Variants in UNC5B observed in about 807,000 individuals in gnomAD.
The protein encoded by UNC5B is netrin receptor UNC5B.
Under a neutral mutation model 103.7 loss-of-function variants are expected in UNC5B, and 56 were observed. The ratio of observed to expected loss-of-function variants is 0.54; its 90% CI spans 0.44 to 0.67. The LOEUF is 0.67. Among genes scored for constraint, UNC5B ranks in the 30% least tolerant of loss-of-function variants. UNC5B has a pLI of 0.00. For synonymous variants in UNC5B, 577 were observed against 542.0 expected, an observed-to-expected ratio of 1.06 and a Z score of -0.90; for missense variants, 1,194 against 1,284.5, an observed-to-expected ratio of 0.93 and a Z score of 1.08.
At chr10:71,223,277 G>T (rs553789376) in intron 1 of UNC5B, among the ~76,000 whole-genome samples, 2 of 152,310 alleles carry the variant, frequency 1.3e-5, no homozygotes, top group African/African-American at 4.8e-5. Flanking sequence ...CTGTAGAATG[G>T]ATGAATGAGA....
At chr10:71,278,750 T>C (rs1051384608) in intron 1 of UNC5B, among the ~76,000 whole-genome samples, 5 of 152,242 alleles carry the variant, frequency 3.3e-5, no homozygotes, top group Non-Finnish European at 7.3e-5. Flanking sequence ...GTGGGGCCTC[T>C]AGCTGGAGGG....
intron 1 of UNC5B, among the ~76,000 whole-genome samples, chr10:71,251,811 G>T (rs1435382467): frequency 6.6e-6 from 1 of 152,114 alleles, no homozygotes; most frequent in African/African-American, 2.4e-5. Flanking sequence ...GAAGAATTGA[G>T]GATATTTATT....
chr10:71,296,160 C>T (rs1845406584), intron 14 of UNC5B, among the ~76,000 whole-genome samples, 200 bp downstream of exon 14: 1 of 152,198 alleles, frequency 6.6e-6, no homozygotes, highest in Non-Finnish European at 1.5e-5. Context: ...GGGCAATGGG[C>T]AGCCACATGC....
intron 2 of UNC5B, among the ~76,000 whole-genome samples, 164 bp from the exon 3 acceptor site, chr10:71,284,556 G>A (rs1481988628): frequency 6.6e-6 from 1 of 152,212 alleles, no homozygotes; most frequent in African/African-American, 2.4e-5. Context: ...CAGGTGAGTG[G>A]CCATGAAGCT....
At chr10:71,250,969 A>G (rs897095334) in intron 1 of UNC5B, among the ~76,000 whole-genome samples, 8 of 152,188 alleles carry the variant, frequency 5.3e-5, no homozygotes, top group Admixed American at 2.6e-4. Flanking sequence ...CTTGCTACCA[A>G]TCCTGAACAA....
chr10:71,275,933 G>A (rs1004065857), intron 1 of UNC5B, among the ~76,000 whole-genome samples: 8 of 152,108 alleles, frequency 5.3e-5, no homozygotes, highest in Admixed American at 2.6e-4. Flanking sequence ...TGGCACTTGA[G>A]TAACCCATGA....
At chr10:71,250,951 G>A (rs1044747839) in intron 1 of UNC5B, among the ~76,000 whole-genome samples, 11 of 152,144 alleles carry the variant, frequency 7.2e-5, no homozygotes, top group African/African-American at 2.7e-4. Context: ...ATGGCAAGTA[G>A]GTCTCCTCTT....
At chr10:71,223,255 C>T (rs1192295451) in intron 1 of UNC5B, among the ~76,000 whole-genome samples, 1 of 152,202 alleles carries the variant, frequency 6.6e-6, no homozygotes, top group Non-Finnish European at 1.5e-5. Flanking sequence ...CCAGAAGGTA[C>T]TGAATAAATC....
Position 71,286,687 on chromosome 10 carries a change from A to T in UNC5B, c.553-2A>T. ...ACTGCCCCCTCACCCCCACTCTTGC[A>T]GGTGGAATGGCTCAAGAATGAGGAT... is the stretch of plus-strand genomic sequence containing the variant. On this transcript the variant is annotated splice_acceptor_variant, in intron 4 of 16. Coordinates refer to ENST00000335350, the MANE Select transcript of UNC5B (RefSeq NM_170744.5). LOFTEE classifies it high-confidence loss of function. The T allele has an allele frequency of 1.2e-6, 2 of 1,613,990 alleles. No individual in the cohort carries two copies. The highest frequency in any genetic ancestry group is 1.7e-6 in the Non-Finnish European group (2 of 1,179,906).
Position 71,212,758 on chromosome 10 carries a change from G to T in UNC5B, c.-228G>T. 2.8e-6 allele frequency: 1 copy of T among 350,878 alleles called. No homozygotes were observed. Among genetic ancestry groups the T allele is most frequent in the Admixed American group, 4.8e-5 (1 of 21,022 alleles). 21.7% of individuals were successfully genotyped at this position (350,878 alleles called of 1,614,324 possible). On this transcript the variant is annotated 5_prime_UTR_variant, in exon 1 of 17. Transcript: ENST00000335350. ...CAGAGACCCGGAGCCAGAGGGGCGC[G>T]CCGGAGCCTCGTTCGAGAGCCGGCG...
intron 1 of UNC5B, among the ~76,000 whole-genome samples, chr10:71,253,923 G>C (rs371365203): frequency 5.6e-4 from 86 of 152,272 alleles, no homozygotes; most frequent in African/African-American, 1.9e-3. Context: ...ACCCCCTTCT[G>C]GTTCCAGGCG....
Position 71,228,286 on chromosome 10 carries a change from G to A in UNC5B, c.79+15222G>A, listed in dbSNP as rs537197523. On this transcript the variant is annotated intron_variant, in intron 1 of 16. Coordinates refer to ENST00000335350, the MANE Select transcript of UNC5B (RefSeq NM_170744.5). ...CATGGGTAAATTCCTTTTTAAACTTGTGGGTGGGAAAGGCTTTCTAACTAT... is the reference window on the plus strand; with the variant it reads ...CATGGGTAAATTCCTTTTTAAACTTATGGGTGGGAAAGGCTTTCTAACTAT... Among the ~76,000 whole-genome samples, 3 of 152,238 alleles carry A rather than the reference G, an allele frequency of 2.0e-5. No individual in the cohort carries two copies. In the East Asian group the frequency reaches 5.8e-4, roughly 29 times the overall value.
intron 1 of UNC5B, among the ~76,000 whole-genome samples, chr10:71,215,406 C>G (rs1843309340): frequency 1.3e-5 from 2 of 152,154 alleles, no homozygotes; most frequent in South Asian, 2.1e-4. Context: ...AAAGAGGGAT[C>G]TTTACTGGGG....
At chr10:71,291,362 A>G (rs2039605321) in intron 9 of UNC5B, 70 bp from the exon 10 acceptor site, 1 of 1,523,064 alleles carries the variant, frequency 6.6e-7, no homozygotes, top group South Asian at 1.3e-5. Context: ...TTTGGGTGGG[A>G]TTTTGCAGTG....
At chr10:71,284,135 G>A (rs1035656131) in intron 2 of UNC5B, among the ~76,000 whole-genome samples, 4 of 152,204 alleles carry the variant, frequency 2.6e-5, no homozygotes, top group South Asian at 2.1e-4. Flanking sequence ...TGGGAGTGCC[G>A]AGCAGTGCTG....
At position 71,296,856 on chromosome 10, in the gene UNC5B, G is replaced by A. The variant is rs928108161; in HGVS notation, c.2490+114G>A. On this transcript the variant is annotated intron_variant, in intron 15 of 16. Coordinates refer to ENST00000335350, the MANE Select transcript of UNC5B (RefSeq NM_170744.5). ...ACGCTGGCGGAGGTGAGGGAAGGGT[G>A]GGGCAGATATTCCAGCTGCACACCA... The A allele has an allele frequency of 3.0e-5, 16 of 539,566 alleles. No homozygotes were observed. The East Asian group carries it at 5.2e-4, about 18-fold the overall frequency. 33.4% of individuals were successfully genotyped at this position (539,566 alleles called of 1,614,324 possible). A position where few individuals can be genotyped will look rare whatever the true frequency, so the allele number is the denominator to read the frequency against.
rs917040193 is a variant in UNC5B at position 71,299,467 on chromosome 10, G to A, written c.*190G>A. The A allele has an allele frequency of 3.0e-6, 2 of 658,194 alleles. No homozygotes were observed. Among genetic ancestry groups the A allele is most frequent in the Non-Finnish European group, 5.0e-6 (2 of 396,826 alleles). 40.8% of individuals were successfully genotyped at this position (658,194 alleles called of 1,614,324 possible). A position where few individuals can be genotyped will look rare whatever the true frequency, so the allele number is the denominator to read the frequency against. On this transcript the variant is annotated 3_prime_UTR_variant, in exon 17 of 17. Transcript: ENST00000335350. Reference sequence around the variant, plus strand: ...AAAATCCATGTACTCTGTTGTTAGAGGGCCCAGAGTTCCTTCTCCACCCCC... The same window carrying A: ...AAAATCCATGTACTCTGTTGTTAGAAGGCCCAGAGTTCCTTCTCCACCCCC...
Position 71,213,081 on chromosome 10 carries a change from TC to T in UNC5B, c.79+18del. The T allele has an allele frequency of 7.5e-7, 1 of 1,329,290 alleles. No homozygotes were observed. The highest frequency in any genetic ancestry group is 9.7e-7 in the Non-Finnish European group (1 of 1,033,008). The allele number at this position is 1,329,290 out of a possible 1,614,324, so 82.3% of individuals were successfully genotyped here. ...GCCAAGCAGGTAGGAAGCGATCGGG[TC>T]TGGGGGCGCGGGGCTAGGGGACCCT... On this transcript the variant is annotated intron_variant, in intron 1 of 16. Transcript: ENST00000335350. This position sits in a 1 kb window ranked among gnomAD's most constrained non-coding sequence, Gnocchi z 4.1.
chr10:71,278,621 G>A lies in UNC5B; in HGVS notation c.80-1200G>A, dbSNP rs550751834. Among the ~76,000 whole-genome samples, 337 of 152,372 alleles carry A rather than the reference G, an allele frequency of 2.2e-3. 3 individuals carry two copies. Among genetic ancestry groups the A allele is most frequent in the Admixed American group, 4.0e-3 (61 of 15,312 alleles). On this transcript the variant is annotated intron_variant, in intron 1 of 16. Transcript: ENST00000335350. ...AACCAGGTGTCCCCTTGGCCCCTCTGACTGTAGGGGGGACTCCCTAGAGCC... is the reference window on the plus strand; with the variant it reads ...AACCAGGTGTCCCCTTGGCCCCTCTAACTGTAGGGGGGACTCCCTAGAGCC...
Sources: allele counts gnomAD v4.1 joint callset (sites outside exome capture counted in the v4.1 genomes callset), GRCh38; gene constraint gnomAD v4.1.1; non-coding constraint Gnocchi (gnomAD v3.1); transcripts MANE v1.5; gene names NCBI Gene and HGNC (gene_info 2026-07-23, HGNC 2026-07-21).